The following RNF13 variants were observed in gnomAD, a reference collection of about 807,000 sequenced individuals.
The protein encoded by RNF13 is ring finger protein 13, also known as E3 ubiquitin-protein ligase RNF13.
A neutral mutation model predicts 37.7 loss-of-function variants in RNF13; 19 were observed. That is an observed-to-expected ratio of 0.50 (90% CI 0.35 to 0.74). RNF13 has a LOEUF of 0.74. Ranked by LOEUF, RNF13 falls within the 30% of genes least tolerant of loss-of-function variation. The probability of loss-of-function intolerance (pLI) is 0.01; values close to 1 mark genes in which losing one functional copy is unlikely to be tolerated. For missense variants in RNF13, 375 were observed against 453.0 expected, an observed-to-expected ratio of 0.83 and a Z score of 1.56; for synonymous variants, 144 against 157.8, an observed-to-expected ratio of 0.91 and a Z score of 0.65.
At chr3:149,891,938 A>G (rs546770399) in intron 4 of RNF13, among the ~76,000 whole-genome samples, 23 of 152,320 alleles carry the variant, frequency 1.5e-4, no homozygotes, top group African/African-American at 3.8e-4. Flanking sequence ...CATGAGTTTT[A>G]TAGTTCATAA....
chr3:149,941,239 T>C (rs888885834), intron 8 of RNF13, among the ~76,000 whole-genome samples: 63 of 152,282 alleles, frequency 4.1e-4, no homozygotes, highest in African/African-American at 1.5e-3. Flanking sequence ...CTGAATCATA[T>C]TCTAATTGTC....
intron 8 of RNF13, among the ~76,000 whole-genome samples, chr3:149,945,491 G>A (rs1486880005): frequency 2.0e-5 from 3 of 152,202 alleles, no homozygotes; most frequent in Admixed American, 6.5e-5. Flanking sequence ...ACCTCTGGGG[G>A]CAGGGTATAG....
chr3:149,896,105 C>T (rs2108492411), intron 5 of RNF13, among the ~76,000 whole-genome samples: 1 of 152,262 alleles, frequency 6.6e-6, no homozygotes, highest in African/African-American at 2.4e-5. Flanking sequence ...GCATAACTGG[C>T]TGTAATAAGA....
chr3:149,951,396 C>T (rs1232443562), intron 8 of RNF13, among the ~76,000 whole-genome samples: 1 of 152,200 alleles, frequency 6.6e-6, no homozygotes, highest in Non-Finnish European at 1.5e-5. Flanking sequence ...TCAGTGCATT[C>T]ATGAGTTATT....
At chr3:149,907,043 T>C (rs76505577) in intron 6 of RNF13, among the ~76,000 whole-genome samples, 1,898 of 152,298 alleles carry the variant, frequency 0.012, 34 homozygotes, top group African/African-American at 0.044. Context: ...AGGTATTTTA[T>C]TGTTTGCTAT....
intron 8 of RNF13, among the ~76,000 whole-genome samples, chr3:149,933,926 T>C (rs1015987455): frequency 9.9e-5 from 15 of 152,174 alleles, no homozygotes; most frequent in African/African-American, 3.6e-4. Context: ...TTTTAAAATA[T>C]ACAATCATGT....
chr3:149,887,119 C>T lies in RNF13; in HGVS notation c.322-8354C>T, dbSNP rs534794251. On this transcript the variant is annotated intron_variant, in intron 4 of 9. Transcript: ENST00000392894. Reference sequence around the variant, plus strand: ...GCTGACACCACCCTTCTTCATTCCCCGCCCGCTTCCCGGCAGCAACCACGC... The same window carrying T: ...GCTGACACCACCCTTCTTCATTCCCTGCCCGCTTCCCGGCAGCAACCACGC... Among the ~76,000 whole-genome samples, 6 of 152,250 alleles carry T rather than the reference C, an allele frequency of 3.9e-5. No homozygotes were observed. In the East Asian group the frequency reaches 9.7e-4, roughly 25 times the overall value.
intron 1 of RNF13, among the ~76,000 whole-genome samples, chr3:149,832,037 G>A (rs571937067): frequency 9.9e-5 from 15 of 151,970 alleles, no homozygotes; most frequent in South Asian, 2.1e-4. Flanking sequence ...TTAATTGTTC[G>A]CTGATTTTTT....
At chr3:149,890,958 T>A (rs929404034) in intron 4 of RNF13, among the ~76,000 whole-genome samples, 1 of 152,180 alleles carries the variant, frequency 6.6e-6, no homozygotes, top group Non-Finnish European at 1.5e-5. Context: ...CTTGTGTTGT[T>A]TTGTTTATAG....
rs550005950 is a variant in RNF13 at position 149,902,206 on chromosome 3, T to C, written c.500+44T>C. On this transcript the variant is annotated intron_variant, in intron 6 of 9. Coordinates refer to ENST00000392894, the MANE Select transcript of RNF13 (RefSeq NM_183381.3). Reference sequence around the variant, plus strand: ...AAATCATGTTGCTTAAAATTCTTCTTTATATTAAGGTAGAATTATATAATA... The same window carrying C: ...AAATCATGTTGCTTAAAATTCTTCTCTATATTAAGGTAGAATTATATAATA... 27 of 915,478 alleles carry C rather than the reference T, an allele frequency of 2.9e-5. No homozygotes were observed. In the African/African-American group the frequency reaches 3.8e-4, roughly 13 times the overall value. 56.7% of individuals were successfully genotyped at this position (915,478 alleles called of 1,614,324 possible). A position where few individuals can be genotyped will look rare whatever the true frequency, so the allele number is the denominator to read the frequency against.
chr3:149,905,289 G>A (rs115906965), intron 6 of RNF13, among the ~76,000 whole-genome samples: 1,833 of 152,228 alleles, frequency 0.012, 31 homozygotes, highest in African/African-American at 0.041. Flanking sequence ...AGATAGGTGA[G>A]AAATGGTATT....
intron 3 of RNF13, among the ~76,000 whole-genome samples, chr3:149,855,830 A>T (rs1390888284): frequency 6.6e-6 from 1 of 152,108 alleles, no homozygotes; most frequent in Non-Finnish European, 1.5e-5. Context: ...ACTGGATATT[A>T]TCGGTCTTTC....
intron 6 of RNF13, among the ~76,000 whole-genome samples, chr3:149,903,555 A>C (rs1429745325): frequency 6.6e-6 from 1 of 152,122 alleles, no homozygotes; most frequent in East Asian, 1.9e-4. Context: ...ACATGCTCAT[A>C]AAATGGAACC....
At chr3:149,845,463 A>C (rs555840342) in intron 1 of RNF13, among the ~76,000 whole-genome samples, 1 of 152,294 alleles carries the variant, frequency 6.6e-6, no homozygotes, top group East Asian at 1.9e-4. Context: ...AGAGAGGGGA[A>C]AAAAGCATAG....
intron 3 of RNF13, among the ~76,000 whole-genome samples, chr3:149,856,575 C>T (rs188741526): frequency 4.7e-4 from 71 of 151,482 alleles, no homozygotes; most frequent in African/African-American, 1.7e-3. Context: ...TCCTGTGTAG[C>T]TAGTACTATG....
At chr3:149,882,297 G>C (rs1713515115) in intron 4 of RNF13, among the ~76,000 whole-genome samples, 1 of 151,112 alleles carries the variant, frequency 6.6e-6, no homozygotes, top group Admixed American at 6.6e-5. Flanking sequence ...GTGGGGGAGG[G>C]GGTAGGAAGG....
chr3:149,822,951 T>A (rs191622319), intron 1 of RNF13, among the ~76,000 whole-genome samples: 94 of 152,234 alleles, frequency 6.2e-4, no homozygotes, highest in African/African-American at 2.3e-3. Context: ...TCTTGAAGTT[T>A]CCAAATAGCC....
At chr3:149,854,247 G>C (rs1373518114) in intron 3 of RNF13, among the ~76,000 whole-genome samples, 3 of 151,980 alleles carry the variant, frequency 2.0e-5, no homozygotes, top group African/African-American at 7.3e-5. Flanking sequence ...AGCATTGTAT[G>C]ACTATTTCTC....
rs2108484073 is a variant in RNF13, at chr3:149,891,240, A to G, written c.322-4233A>G. On this transcript the variant is annotated intron_variant, in intron 4 of 9. Coordinates refer to ENST00000392894, the MANE Select transcript of RNF13 (RefSeq NM_183381.3). The stretch of plus-strand genomic sequence containing the variant: ...ATAGAAAAGAATATCTACATTGTGG[A>G]GTTGTATTGAATATTAGAGATAACA... Among the ~76,000 whole-genome samples, 2 of 152,268 alleles carry G rather than the reference A, an allele frequency of 1.3e-5. 1 individual carries two copies. Among genetic ancestry groups the G allele is most frequent in the Middle Eastern group, 6.8e-3 (2 of 294 alleles).
Sources: gnomAD v4.1 joint callset for allele counts (sites outside exome capture counted in the v4.1 genomes callset) on GRCh38, gnomAD v4.1.1 for gene constraint, MANE v1.5 for transcripts, NCBI Gene and HGNC (gene_info 2026-07-23, HGNC 2026-07-21) for gene names.